SCHIP1: variants seen among roughly 807,000 people sequenced by gnomAD.
SCHIP1 encodes schwannomin interacting protein 1, also known as schwannomin-interacting protein 1.
In SCHIP1, 8 loss-of-function variants were observed where a neutral mutation model predicts 29.7. The observed-to-expected ratio is 0.27, with a 90% CI of 0.16 to 0.49. The LOEUF (loss-of-function observed/expected upper bound fraction) is 0.49. SCHIP1 is among the 20% of genes least tolerant of loss of function. SCHIP1 has a pLI of 0.99. For missense variants in SCHIP1, 193 were observed against 294.6 expected (o/e 0.66, Z 2.52); for synonymous variants, 76 against 94.9 (o/e 0.80, Z 1.16).
At chr3:159,322,670 T>G in the SCHIP1 span, among the ~76,000 whole-genome samples, 1 of 152,188 alleles carries the variant, frequency 6.6e-6, no homozygotes, top group Non-Finnish European at 1.5e-5. Flanking sequence ...GGGGTTGCCT[T>G]CTTCACTAGG....
chr3:159,512,648 C>T, the SCHIP1 span, among the ~76,000 whole-genome samples: 9 of 152,120 alleles, frequency 5.9e-5, no homozygotes, highest in Non-Finnish European at 1.0e-4. Context: ...AGGTGAAACA[C>T]GAACATCATG....
chr3:159,541,628 T>G, the SCHIP1 span, among the ~76,000 whole-genome samples: 1 of 151,986 alleles, frequency 6.6e-6, no homozygotes, highest in East Asian at 1.9e-4. Flanking sequence ...GGAGACTGGA[T>G]GAGAATAACT....
At chr3:159,482,119 G>C in the SCHIP1 span, among the ~76,000 whole-genome samples, 1 of 152,108 alleles carries the variant, frequency 6.6e-6, no homozygotes, top group African/African-American at 2.4e-5. Flanking sequence ...ACAGTGCTTT[G>C]CATATCACGT....
chr3:159,788,388 T>A, the SCHIP1 span, among the ~76,000 whole-genome samples: 9 of 152,294 alleles, frequency 5.9e-5, no homozygotes, highest in Non-Finnish European at 1.5e-5. Flanking sequence ...TCATGGCCTG[T>A]GGATAGAAAC....
the SCHIP1 span, among the ~76,000 whole-genome samples, chr3:159,528,627 G>A: frequency 4.9e-4 from 75 of 152,090 alleles, no homozygotes; most frequent in African/African-American, 1.7e-3. Flanking sequence ...AAGTTTCCTC[G>A]CCACGTTTTG....
chr3:159,506,615 C>G, the SCHIP1 span, among the ~76,000 whole-genome samples: 1 of 152,194 alleles, frequency 6.6e-6, no homozygotes, highest in African/African-American at 2.4e-5. Context: ...ACATTTAAGT[C>G]TTTAATCCTT....
chr3:159,844,024 T>C (rs1382680787), intron 1 of SCHIP1, among the ~76,000 whole-genome samples: 1 of 152,156 alleles, frequency 6.6e-6, no homozygotes, highest in East Asian at 1.9e-4. Context: ...GTTAACTTCC[T>C]GGCATAAGAG....
chr3:159,323,267 C>T, the SCHIP1 span, among the ~76,000 whole-genome samples: 6 of 151,986 alleles, frequency 3.9e-5, no homozygotes, highest in Admixed American at 6.5e-5. Flanking sequence ...CAGATAATAC[C>T]AAAGCCAAAA....
chr3:159,861,010 A>G lies in SCHIP1; in HGVS notation c.31-5153A>G, dbSNP rs1297474608. On this transcript the variant is annotated intron_variant, in intron 1 of 6. Coordinates refer to ENST00000445224, the Ensembl canonical transcript of SCHIP1. The surrounding 1 kb of genome is among the most constrained non-coding windows in gnomAD (Gnocchi z 4.1). ...ACCAGATGGCTTTAGGTTCAGGTTT[A>G]GGATGTTATTTCCTGAAGTGTGTTC... Among the ~76,000 whole-genome samples, 1 of 152,158 alleles carries G rather than the reference A, an allele frequency of 6.6e-6. No homozygotes were observed. Among genetic ancestry groups the G allele is most frequent in the Non-Finnish European group, 1.5e-5 (1 of 68,026 alleles).
intron 4 of SCHIP1, 146 bp from the exon 6 acceptor site, chr3:159,888,674 T>C (rs1428973890): frequency 4.1e-6 from 5 of 1,233,696 alleles, no homozygotes; most frequent in South Asian, 1.6e-5. Context: ...GGGCCCCACA[T>C]TGGGAAAGAC....
chr3:159,832,053 T>C, the SCHIP1 span, among the ~76,000 whole-genome samples: 7 of 152,144 alleles, frequency 4.6e-5, no homozygotes, highest in South Asian at 4.1e-4. Context: ...GAATTGACTG[T>C]TGTCAAATAA....
chr3:159,722,943 C>T, the SCHIP1 span, among the ~76,000 whole-genome samples: 152 of 152,254 alleles, frequency 1.0e-3, 1 homozygote, highest in African/African-American at 3.5e-3. Flanking sequence ...AGCAGGAAGA[C>T]TAGATGTGGT....
the SCHIP1 span, among the ~76,000 whole-genome samples, chr3:159,832,444 C>T: frequency 6.6e-6 from 1 of 152,026 alleles, no homozygotes; most frequent in East Asian, 1.9e-4. Context: ...TCTTAAACAT[C>T]AGCTACATTG....
chr3:159,494,498 A>T, the SCHIP1 span, among the ~76,000 whole-genome samples: 6 of 152,354 alleles, frequency 3.9e-5, no homozygotes, highest in East Asian at 9.6e-4. Flanking sequence ...AAACTAGAAA[A>T]TCTAGAAGAA....
chr3:159,334,000 A>T, the SCHIP1 span, among the ~76,000 whole-genome samples: 1 of 152,212 alleles, frequency 6.6e-6, no homozygotes, highest in Non-Finnish European at 1.5e-5. Context: ...AAGCAATAAC[A>T]CATACCTACC....
chr3:159,274,219 A>G, the SCHIP1 span: 7 of 985,308 alleles, frequency 7.1e-6, no homozygotes, highest in Non-Finnish European at 8.4e-6. Context: ...CAAATGTACA[A>G]TCTGTTGCCC....
the SCHIP1 span, among the ~76,000 whole-genome samples, chr3:159,663,830 T>C: frequency 1.3e-5 from 2 of 152,316 alleles, no homozygotes; most frequent in South Asian, 4.1e-4. Flanking sequence ...TATACATTAA[T>C]TGCATTTATC....
chr3:159,645,536 T>C, the SCHIP1 span, among the ~76,000 whole-genome samples: 1 of 152,136 alleles, frequency 6.6e-6, no homozygotes, highest in Non-Finnish European at 1.5e-5. Flanking sequence ...ACCATTGTAG[T>C]CTTTCAATCG....
chr3:159,741,958 C>T, the SCHIP1 span, among the ~76,000 whole-genome samples: 3 of 152,144 alleles, frequency 2.0e-5, no homozygotes, highest in Non-Finnish European at 4.4e-5. Flanking sequence ...AGGCTGGGCA[C>T]GGTGGGTCAC....
Sources: gnomAD v4.1 joint callset for allele counts (sites outside exome capture counted in the v4.1 genomes callset) on GRCh38, gnomAD v4.1.1 for gene constraint, Gnocchi (gnomAD v3.1) non-coding constraint, MANE v1.5 for transcripts, NCBI Gene and HGNC (gene_info 2026-07-23, HGNC 2026-07-21) for gene names.